The following TUBGCP6 variants were observed in gnomAD, a reference collection of about 807,000 sequenced individuals.
The protein encoded by TUBGCP6 is gamma-tubulin complex component 6.
Under a neutral mutation model 175.8 loss-of-function variants are expected in TUBGCP6, and 161 were observed. That is an observed-to-expected ratio of 0.92 (90% CI 0.81 to 1.04). TUBGCP6 has a LOEUF of 1.04. Ranked by LOEUF, TUBGCP6 falls within the 50% of genes least tolerant of loss-of-function variation. The probability of loss-of-function intolerance (pLI) is 0.00; values close to 1 mark genes in which losing one functional copy is unlikely to be tolerated. For missense variants in TUBGCP6, 2,572 were observed against 2,433.0 expected, an observed-to-expected ratio of 1.06 and a Z score of -1.20; for synonymous variants, 1,173 against 1,030.5, an observed-to-expected ratio of 1.14 and a Z score of -2.65.
At position 50,226,088 on chromosome 22, in the gene TUBGCP6, C is replaced by T. The variant is rs777410011; in HGVS notation, c.1795G>A (p.Gly599Arg). Residue 599 changes from glycine to arginine, a missense_variant, in exon 9 of 25, where the codon GGA becomes AGA. By Grantham distance (125) the Gly-to-Arg change is moderately radical. Transcript: ENST00000248846. The stretch of plus-strand genomic sequence containing the variant: ...AGCTTCAGCAGGTTAATGGTCTTTC[C>T]GCAGACGTATATGTCGTGGGCAATG... ...KHIAHDIYVC[G>R]KTINLLKLCC... is the part of the protein sequence containing the mutation. 3 of 1,614,142 alleles carry T rather than the reference C, an allele frequency of 1.9e-6. No homozygotes were observed. In the South Asian group the frequency reaches 3.3e-5, roughly 18 times the overall value.
chr22:50,234,450 C>CCT (rs2147203252), intron 2 of TUBGCP6, among the ~76,000 whole-genome samples: 1 of 149,830 alleles, frequency 6.7e-6, no homozygotes, highest in East Asian at 2.0e-4. Context: ...CATCCACATC[C>CCT]AGGTCCACAG....
chr22:50,239,136 C>A (rs2064810513), intron 2 of TUBGCP6, among the ~76,000 whole-genome samples: 1 of 152,180 alleles, frequency 6.6e-6, no homozygotes. Context: ...GTGAACGGGG[C>A]ATTCCATGGC....
chr22:50,233,435 G>GC lies in TUBGCP6; in HGVS notation c.996dup (p.Leu333AlafsTer234), dbSNP rs2147200853. ...GCCTGTAGGACGCCCCCAGCAAGCA[G>GC]CTGGAGCTCCCCTTGGTGGAGCCTG... On this transcript the variant is annotated frameshift_variant, in exon 3 of 25. Transcript: ENST00000248846. LOFTEE classifies it high-confidence loss of function. 1 of 1,613,724 alleles carries GC rather than the reference G, an allele frequency of 6.2e-7. No homozygotes were observed. Among genetic ancestry groups the GC allele is most frequent in the Non-Finnish European group, 8.5e-7 (1 of 1,179,842 alleles).
Position 50,219,784 on chromosome 22 carries a change from G to A in TUBGCP6, c.4175C>T (p.Thr1392Ile), listed in dbSNP as rs776843575. Residue 1392 changes from threonine to isoleucine, a missense_variant, in exon 18 of 25, where the codon ACA becomes ATA. Transcript: ENST00000248846. ...ACGGCCTGGGCTGCTCTGGGCAGCT[G>A]TGTCTTCCTAACAAAACACCAGCCT... ...PNWPLNSQEDTAAQSSPGRGE... is the reference protein window; with the variant it reads ...PNWPLNSQEDIAAQSSPGRGE... The A allele has an allele frequency of 6.2e-7, 1 of 1,613,060 alleles. No homozygotes were observed. The highest frequency in any genetic ancestry group is 1.3e-5 in the African/African-American group (1 of 74,948).
At chr22:50,242,146 G>A (rs906800274) in intron 1 of TUBGCP6, among the ~76,000 whole-genome samples, 5 of 151,958 alleles carry the variant, frequency 3.3e-5, no homozygotes, top group African/African-American at 4.8e-5. Context: ...CAAAAAATTC[G>A]CAGGGCGTGG....
rs1352821081 is a variant in TUBGCP6, at chr22:50,225,846, A to T, written c.1931T>A (p.Val644Asp). 6.2e-7 allele frequency: 1 copy of T among 1,613,784 alleles called. No individual in the cohort carries two copies. The highest frequency in any genetic ancestry group is 8.5e-7 in the Non-Finnish European group (1 of 1,179,970). ...KEIEKDCAVY[V>D]GRMERVARHS... ...GCGGGCCACCCTCTCCATGCGCCCA[A>T]CGTAGACGGCACAGTCCTTCTCAAT... is the stretch of plus-strand genomic sequence containing the variant. The change falls in exon 10 of 25, where the codon GTT becomes GAT. Residue 644 changes from valine to aspartate, a missense_variant. Coordinates refer to ENST00000248846, the MANE Select transcript of TUBGCP6 (RefSeq NM_020461.4).
In TUBGCP6 at chr22:50,233,591, C is replaced by T. The variant is rs938957388; in HGVS notation, c.906-65G>A. 25 of 1,481,788 alleles carry T rather than the reference C, an allele frequency of 1.7e-5. No homozygotes were observed. The African/African-American group carries it at 2.9e-4, about 17-fold the overall frequency. The allele number at this position is 1,481,788 out of a possible 1,614,324, so 91.8% of individuals were successfully genotyped here. On this transcript the variant is annotated intron_variant, in intron 2 of 24. Transcript: ENST00000248846. Reference sequence around the variant, plus strand: ...TGACCTGCACCTCAGCACCAGGGTGCTTTCTCTCGGGAATGGGCATGAACA... The same window carrying T: ...TGACCTGCACCTCAGCACCAGGGTGTTTTCTCTCGGGAATGGGCATGAACA...
Position 50,240,338 on chromosome 22 carries a change from G to A in TUBGCP6, c.771C>T (p.Asp257=), listed in dbSNP as rs746853843. Residue 257 remains aspartate (D), a synonymous_variant, in exon 2 of 25, where the codon GAC becomes GAT. Coordinates refer to ENST00000248846, the MANE Select transcript of TUBGCP6 (RefSeq NM_020461.4). The part of the protein sequence containing the change: ...KVPPSVDQWE[D]EGFQSASNLT... Reference sequence around the variant, plus strand: ...AGTTGGACGCTGACTGGAATCCTTCGTCTTCCCACTGATCCACACTCGGTG... The same window carrying A: ...AGTTGGACGCTGACTGGAATCCTTCATCTTCCCACTGATCCACACTCGGTG... 15 of 1,613,850 alleles carry A rather than the reference G, an allele frequency of 9.3e-6. No homozygotes were observed. The African/African-American group carries it at 1.2e-4, about 13-fold the overall frequency.
Position 50,229,469 on chromosome 22 carries a change from G to A in TUBGCP6, c.1225C>T (p.Arg409Cys), listed in dbSNP as rs1282749907. ...EVAEYGTCYT[R>C]LSHFSLQPVL... ...GGCTGCAGAGAGAAATGACTCAGGC[G>A]CGTGTAGCAGGTCCCATACTCGGCC... Residue 409 changes from arginine (R) to cysteine (C), a missense_variant, in exon 4 of 25, where the codon CGC becomes TGC. Physicochemically the swap from Arg to Cys is radical, Grantham distance 180. Coordinates refer to ENST00000248846, the MANE Select transcript of TUBGCP6 (RefSeq NM_020461.4). The A allele has an allele frequency of 6.8e-6, 11 of 1,613,068 alleles. No individual in the cohort carries two copies. Among genetic ancestry groups the A allele is most frequent in the African/African-American group, 2.7e-5 (2 of 74,918 alleles).
In TUBGCP6 at chr22:50,244,965, G is replaced by T. The variant is rs961430007; in HGVS notation, c.-506C>A. ...CACCCGTTCTCCAGGCCTCACCCGT[G>T]GAAAGTGCCCACGGCTGCCGCTCTC... On this transcript the variant is annotated 5_prime_UTR_variant, in exon 1 of 25. Transcript: ENST00000248846. The T allele has an allele frequency of 2.4e-4, 54 of 226,640 alleles. No individual in the cohort carries two copies. Among genetic ancestry groups the T allele is most frequent in the Non-Finnish European group, 3.5e-4 (40 of 113,654 alleles). The allele number at this position is 226,640 out of a possible 1,614,324, so 14.0% of individuals were successfully genotyped here. A position where few individuals can be genotyped will look rare whatever the true frequency, so the allele number is the denominator to read the frequency against.
chr22:50,241,854 TC>T (rs946454286), intron 1 of TUBGCP6, among the ~76,000 whole-genome samples: 47 of 152,070 alleles, frequency 3.1e-4, no homozygotes, highest in Admixed American at 2.4e-3. Context: ...GTGGTAGTGA[TC>T]CCCCGGGCCC....
intron 22 of TUBGCP6, 30 bp from the exon 23 acceptor site, chr22:50,218,432 G>A (rs368654277): frequency 4.3e-6 from 7 of 1,612,764 alleles, no homozygotes; most frequent in African/African-American, 1.3e-5. Context: ...AGAGGGCAGA[G>A]GTGAGCGCAG....
chr22:50,243,970 T>C lies in TUBGCP6; in HGVS notation c.490A>G (p.Ile164Val). The change falls in exon 1 of 25, where the codon ATC (isoleucine) becomes GTC (valine). Residue 164 changes from isoleucine to valine, a missense_variant. Transcript: ENST00000248846. ...TGACACAAACACTCTTCTCTGGAGATCAGAGACTGAACGTCCATCTCAAAC... is the reference window on the plus strand; with the variant it reads ...TGACACAAACACTCTTCTCTGGAGACCAGAGACTGAACGTCCATCTCAAAC... ...SVFEMDVQSL[I>V]SREECLCHSM... 1 of 1,614,146 alleles carries C rather than the reference T, an allele frequency of 6.2e-7. No individual in the cohort carries two copies. The highest frequency in any genetic ancestry group is 8.5e-7 in the Non-Finnish European group (1 of 1,180,032).
In TUBGCP6 at chr22:50,219,330, G is replaced by A. The variant is rs746197836; in HGVS notation, c.4442C>T (p.Pro1481Leu). 1.2e-6 allele frequency: 2 copies of A among 1,600,138 alleles called. No homozygotes were observed. Among genetic ancestry groups the A allele is most frequent in the Non-Finnish European group, 1.7e-6 (2 of 1,174,766 alleles). ...AVQLSELLTL[P>L]VLMKRSITAP... ...CGTGATGGAGCGCTTCATGAGCACG[G>A]GCAGCGTCAGCAACTCGCTCAGCTG... The change falls in exon 19 of 25, where the codon CCC becomes CTC. Residue 1481 changes from proline (P) to leucine (L), a missense_variant. Pro to Leu is a moderately conservative substitution (Grantham distance 98). Coordinates refer to ENST00000248846, the MANE Select transcript of TUBGCP6 (RefSeq NM_020461.4).
chr22:50,224,347 A>C lies in TUBGCP6; in HGVS notation c.2139T>G (p.Phe713Leu). Residue 713 changes from phenylalanine to leucine, a missense_variant, in exon 12 of 25, where the codon TTT becomes TTG. By Grantham distance (22) the Phe-to-Leu change is conservative. Coordinates refer to ENST00000248846, the MANE Select transcript of TUBGCP6 (RefSeq NM_020461.4). The part of the protein sequence containing the change: ...REQFQRLKEQ[F>L]VKDQERRQAA... Reference sequence around the variant, plus strand: ...TCCTACCCACCTCCTGGTCCTTCACAAATTGTTCTTTCAGCCTCTGAAACT... The same window carrying C: ...TCCTACCCACCTCCTGGTCCTTCACCAATTGTTCTTTCAGCCTCTGAAACT... 2.5e-6 allele frequency: 4 copies of C among 1,614,188 alleles called. No individual in the cohort carries two copies. The highest frequency in any genetic ancestry group is 3.4e-6 in the Non-Finnish European group (4 of 1,180,016).
chr22:50,233,664 G>A (rs2064723115), intron 2 of TUBGCP6, 138 bp from the exon 3 acceptor site: 3 of 848,594 alleles, frequency 3.5e-6, no homozygotes, highest in African/African-American at 1.7e-5. Context: ...AACATAGCCA[G>A]GTATGAATGT....
intron 24 of TUBGCP6, 44 bp from the exon 25 acceptor site, chr22:50,217,871 C>A (rs746804508): frequency 6.2e-7 from 1 of 1,608,190 alleles, no homozygotes; most frequent in Non-Finnish European, 8.5e-7. Context: ...ACAGTGTGAG[C>A]CCCGCCCTGG....
Position 50,219,120 on chromosome 22 carries a change from A to T in TUBGCP6, c.4574T>A (p.Leu1525Gln). 6.2e-7 allele frequency: 1 copy of T among 1,613,242 alleles called. No individual in the cohort carries two copies. The highest frequency in any genetic ancestry group is 8.5e-7 in the Non-Finnish European group (1 of 1,179,986). The change falls in exon 20 of 25, where the codon CTG becomes CAG. Residue 1525 changes from leucine (L) to glutamine (Q), a missense_variant. Coordinates refer to ENST00000248846, the MANE Select transcript of TUBGCP6 (RefSeq NM_020461.4). ...CTGGGCGAACTCGCCGTCCTCCATC[A>T]GCAGGAAGTGCCGCAGTGCCTCATA... ...AHYEALRHFL[L>Q]MEDGEFAQSL...
chr22:50,220,311 C>T lies in TUBGCP6; in HGVS notation c.4048G>A (p.Val1350Met), dbSNP rs755040883. 20 of 1,575,606 alleles carry T rather than the reference C, an allele frequency of 1.3e-5. No individual in the cohort carries two copies. Among genetic ancestry groups the T allele is most frequent in the African/African-American group, 6.8e-5 (5 of 74,064 alleles). ...SISVGENVSD[V>M]APTQPWWPNT... is the part of the protein sequence containing the mutation. ...GGCCACCATGGTTGGGTGGGAGCCA[C>T]GTCTGACACGTTCTCCCCCACGCTG... Residue 1350 changes from valine to methionine, a missense_variant, in exon 16 of 25, where the codon GTG (valine) becomes ATG (methionine). Transcript: ENST00000248846.
Sources: allele counts gnomAD v4.1 joint callset (sites outside exome capture counted in the v4.1 genomes callset), GRCh38; gene constraint gnomAD v4.1.1; transcripts MANE v1.5; gene names NCBI Gene and HGNC (gene_info 2026-07-23, HGNC 2026-07-21).